VPS8: variants seen among roughly 807,000 people sequenced by gnomAD.
VPS8 encodes vacuolar protein sorting-associated protein 8 homolog.
VPS8 carries 129 observed loss-of-function variants against 216.4 expected under a neutral mutation model. The observed-to-expected ratio is 0.60, with a 90% CI of 0.52 to 0.69. The LOEUF is 0.69. Among genes scored for constraint, VPS8 ranks in the 30% least tolerant of loss-of-function variants. VPS8 has a pLI of 0.00. For missense variants in VPS8, 1,531 were observed against 1,683.5 expected, an observed-to-expected ratio of 0.91 and a Z score of 1.59; for synonymous variants, 571 against 565.4, an observed-to-expected ratio of 1.01 and a Z score of -0.14.
chr3:184,970,332 C>A (rs963695013), intron 39 of VPS8, among the ~76,000 whole-genome samples: 1 of 152,144 alleles, frequency 6.6e-6, no homozygotes, highest in African/African-American at 2.4e-5. Flanking sequence ...CTACCCACTG[C>A]ACAAAGAACG....
At chr3:185,018,077 GT>G (rs1210623779) in intron 45 of VPS8, among the ~76,000 whole-genome samples, 3 of 152,110 alleles carry the variant, frequency 2.0e-5, no homozygotes, top group Admixed American at 2.0e-4. Flanking sequence ...TCCACTCTCA[GT>G]CCTGCCATTG....
At chr3:185,018,506 C>T (rs1756155922) in intron 45 of VPS8, among the ~76,000 whole-genome samples, 1 of 152,182 alleles carries the variant, frequency 6.6e-6, no homozygotes, top group South Asian at 2.1e-4. Context: ...TGCGGTTGGG[C>T]CTGGGCGTTG....
chr3:184,840,672 A>G (rs1721966972), intron 7 of VPS8: 1 of 152,196 alleles, frequency 6.6e-6, no homozygotes, highest in South Asian at 2.1e-4. Context: ...AGATTGTGCC[A>G]CCGCACTCCA....
At position 185,045,973 on chromosome 3, in the gene VPS8, A is replaced by T. The variant is rs12637510; in HGVS notation, c.4057-2506A>T. On this transcript the variant is annotated intron_variant, in intron 46 of 47. Transcript: ENST00000625842. ...CTCGTTTTCCACAGGATTTCCTTTA[A>T]TGCTGAGTACTACAAGGTCATTTCC... 8.2e-3 allele frequency among the ~76,000 whole-genome samples: 1,254 copies of T among 152,250 alleles called. 41 individuals are homozygous for T. The highest frequency in any genetic ancestry group is 0.071 in the East Asian group (367 of 5,170).
At chr3:184,825,530 T>C (rs139800430) in intron 2 of VPS8, among the ~76,000 whole-genome samples, 112 of 152,344 alleles carry the variant, frequency 7.4e-4, no homozygotes, top group African/African-American at 2.6e-3. Flanking sequence ...ATGTCTAAAC[T>C]TAGAAAATTA....
At chr3:184,867,018 T>C (rs1408503421) in intron 17 of VPS8, 68 bp downstream of exon 17, 5 of 1,452,994 alleles carry the variant, frequency 3.4e-6, no homozygotes, top group Non-Finnish European at 4.8e-6. Context: ...AGGAGATTGC[T>C]GGTAAAGAGG....
intron 22 of VPS8, among the ~76,000 whole-genome samples, chr3:184,892,316 A>G (rs1189841608): frequency 6.6e-6 from 1 of 152,154 alleles, no homozygotes; most frequent in Admixed American, 6.5e-5. Flanking sequence ...TCCTGGGTTC[A>G]AGCAATTCTC....
At chr3:184,998,655 C>T (rs1020176603) in intron 44 of VPS8, among the ~76,000 whole-genome samples, 4 of 151,760 alleles carry the variant, frequency 2.6e-5, no homozygotes, top group African/African-American at 4.8e-5. Flanking sequence ...GAAGATAAAT[C>T]AGTGTAGATG....
Position 184,957,381 on chromosome 3 carries a change from A to G in VPS8, c.3043A>G (p.Ile1015Val). 4 of 1,608,388 alleles carry G rather than the reference A, an allele frequency of 2.5e-6. No individual in the cohort carries two copies. The highest frequency in any genetic ancestry group is 3.4e-6 in the Non-Finnish European group (4 of 1,176,972). ...LRSLLDPREG[I>V]HVNQELLQIS... is the part of the protein sequence containing the mutation. ...TATCTTTTATGTTTTTAGGGAAGGTATTCATGTAAATCAAGAATTACTGCA... is the reference window on the plus strand; with the variant it reads ...TATCTTTTATGTTTTTAGGGAAGGTGTTCATGTAAATCAAGAATTACTGCA... Residue 1015 changes from isoleucine to valine, a missense_variant, in exon 37 of 48, where the codon ATT (isoleucine) becomes GTT (valine). Around this residue, in one of 3 missense-constraint regions of VPS8, gnomAD observed 1,318 missense variants for 1,468.4 expected, o/e 0.90. Transcript: ENST00000625842.
chr3:184,971,114 T>A (rs1748330408), intron 39 of VPS8, among the ~76,000 whole-genome samples: 1 of 152,242 alleles, frequency 6.6e-6, no homozygotes, highest in Non-Finnish European at 1.5e-5. Flanking sequence ...AGGACATCCA[T>A]GTGGAAATAA....
At chr3:185,029,458 T>G (rs552054302) in intron 46 of VPS8, among the ~76,000 whole-genome samples, 1 of 152,324 alleles carries the variant, frequency 6.6e-6, no homozygotes, top group South Asian at 2.1e-4. Flanking sequence ...CTCAGCTAAC[T>G]TCCTGGGGCT....
In VPS8 at chr3:184,868,997, G is replaced by T; in HGVS notation, c.1558G>T (p.Ala520Ser). The T allele has an allele frequency of 6.2e-7, 1 of 1,610,630 alleles. No individual in the cohort carries two copies. The highest frequency in any genetic ancestry group is 8.5e-7 in the Non-Finnish European group (1 of 1,178,552). ...TTGTCTTACAGAAGCGTTGGCTCTT[G>T]CGTGGTCTTTCCATGAAGGAAAAGC... ...QDCLTEALALAWSFHEGKAKA... is the reference protein window; with the variant it reads ...QDCLTEALALSWSFHEGKAKA... Residue 520 changes from alanine to serine, a missense_variant, in exon 19 of 48, where the codon GCG (alanine) becomes TCG (serine). By Grantham distance (99) the Ala-to-Ser change is moderately conservative. Around this residue, in one of 3 missense-constraint regions of VPS8, gnomAD observed 1,318 missense variants for 1,468.4 expected, o/e 0.90. Transcript: ENST00000625842.
chr3:184,823,442 A>T (rs1490216882), intron 1 of VPS8, among the ~76,000 whole-genome samples: 1 of 152,216 alleles, frequency 6.6e-6, no homozygotes, highest in African/African-American at 2.4e-5. Flanking sequence ...AATCTAATTT[A>T]CTAAGAGAAG....
At position 185,014,576 on chromosome 3, in the gene VPS8, G is replaced by T. The variant is rs60764242; in HGVS notation, c.4003-9760G>T. On this transcript the variant is annotated intron_variant, in intron 45 of 47. Transcript: ENST00000625842. The stretch of plus-strand genomic sequence containing the variant: ...TTATTCTGCTTCTGTCTTTGCAGCT[G>T]GTTTCTGTAGATGCTGTTCAGCTGC... Among the ~76,000 whole-genome samples the T allele has an allele frequency of 2.5e-3, 377 of 152,248 alleles. 1 individual carries two copies. The highest frequency in any genetic ancestry group is 8.6e-3 in the African/African-American group (356 of 41,542).
intron 39 of VPS8, among the ~76,000 whole-genome samples, chr3:184,967,395 A>G (rs1004112582): frequency 6.6e-6 from 1 of 152,160 alleles, no homozygotes. Flanking sequence ...TTAGTAGGAC[A>G]TTGAACATAG....
intron 22 of VPS8, among the ~76,000 whole-genome samples, chr3:184,890,064 G>A (rs766305732): frequency 3.3e-5 from 5 of 152,132 alleles, no homozygotes; most frequent in Non-Finnish European, 5.9e-5. Context: ...GTTAAAAATG[G>A]TCAGTTCCCT....
At chr3:184,834,621 T>C in intron 4 of VPS8, 28 bp from the exon 5 acceptor site, 2 of 1,511,110 alleles carry the variant, frequency 1.3e-6, no homozygotes, top group East Asian at 4.9e-5. Context: ...TTTATCTGTT[T>C]TTAAATGTTT....
rs1009706103 is a variant in VPS8, at chr3:184,952,647, G to A, written c.3036-4727G>A. 2.6e-5 allele frequency among the ~76,000 whole-genome samples: 4 copies of A among 152,178 alleles called. No individual in the cohort carries two copies. The East Asian group carries it at 7.7e-4, about 29-fold the overall frequency. Reference sequence around the variant, plus strand: ...TGAATATTTATGAAAGGAGAAATAAGCACATGCACAATCAAGCTTCACGCC... The same window carrying A: ...TGAATATTTATGAAAGGAGAAATAAACACATGCACAATCAAGCTTCACGCC... On this transcript the variant is annotated intron_variant, in intron 36 of 47. Transcript: ENST00000625842.
intron 43 of VPS8, among the ~76,000 whole-genome samples, chr3:184,994,906 A>G (rs995929661): frequency 6.6e-6 from 1 of 152,196 alleles, no homozygotes; most frequent in African/African-American, 2.4e-5. Context: ...GGTGAAAGGC[A>G]TGTCTCACAT....
Sources: gnomAD v4.1 joint callset for allele counts (sites outside exome capture counted in the v4.1 genomes callset) on GRCh38, gnomAD v4.1.1 for gene constraint, gnomAD v4.1.1 regional missense constraint, MANE v1.5 for transcripts, NCBI Gene and HGNC (gene_info 2026-07-23, HGNC 2026-07-21) for gene names.